Variants in FBXO36 observed in about 807,000 individuals in gnomAD.
FBXO36 encodes the protein F-box only protein 36.
In FBXO36, 18 loss-of-function variants were observed where a neutral mutation model predicts 17.0. The observed-to-expected ratio is 1.06, with a 90% CI of 0.73 to 1.57. The LOEUF (loss-of-function observed/expected upper bound fraction) is 1.57, where lower values mean the gene tolerates loss of function less well. Among genes scored for constraint, FBXO36 ranks in the 40% most tolerant of loss-of-function variants. The pLI, the probability that FBXO36 is intolerant of heterozygous loss-of-function variation, is 0.00. For missense variants in FBXO36, 229 were observed against 221.9 expected (o/e 1.03, Z -0.20); for synonymous variants, 83 against 85.3 (o/e 0.97, Z 0.15).
At chr2:229,987,080 C>A (rs1306641984) in intron 2 of FBXO36, among the ~76,000 whole-genome samples, 1 of 151,402 alleles carries the variant, frequency 6.6e-6, no homozygotes, top group Non-Finnish European at 1.5e-5. Context: ...ATTAGCCAGG[C>A]GTGTTGGCGC....
chr2:229,988,210 C>T (rs1047606583), intron 2 of FBXO36, among the ~76,000 whole-genome samples: 11 of 151,900 alleles, frequency 7.2e-5, no homozygotes, highest in Admixed American at 1.3e-4. Flanking sequence ...AAAATTATAA[C>T]GTATTTTTTT....
Position 229,966,206 on chromosome 2 carries a change from G to A in FBXO36, c.97-10035G>A, listed in dbSNP as rs181610891. 2.0e-3 allele frequency among the ~76,000 whole-genome samples: 304 copies of A among 152,202 alleles called. 1 individual carries two copies. The highest frequency in any genetic ancestry group is 5.8e-3 in the African/African-American group (242 of 41,534). ...TGAGAAGTGTCTGTTCATATCCTTCGCCCACTTGTTAATGGGGTTGTTTGT... is the reference window on the plus strand; with the variant it reads ...TGAGAAGTGTCTGTTCATATCCTTCACCCACTTGTTAATGGGGTTGTTTGT... On this transcript the variant is annotated intron_variant, in intron 1 of 3. Coordinates refer to ENST00000283946, the MANE Select transcript of FBXO36 (RefSeq NM_174899.5).
intron 1 of FBXO36, among the ~76,000 whole-genome samples, chr2:229,932,445 G>A (rs538003307): frequency 5.0e-4 from 76 of 152,002 alleles, no homozygotes; most frequent in African/African-American, 1.7e-3. Context: ...ACTTGAACCC[G>A]GGAGTTGGAG....
intron 1 of FBXO36, among the ~76,000 whole-genome samples, chr2:229,966,496 G>A (rs1408431491): frequency 1.3e-5 from 2 of 152,166 alleles, no homozygotes; most frequent in African/African-American, 2.4e-5. Context: ...TTTTCTTCTA[G>A]GGTTTTTATG....
chr2:229,996,690 T>C (rs1041124967), intron 2 of FBXO36, 61 bp from the exon 3 acceptor site: 17 of 1,497,380 alleles, frequency 1.1e-5, no homozygotes, highest in Non-Finnish European at 1.4e-5. Flanking sequence ...ATTTCACTGA[T>C]TGTTATTATA....
chr2:229,951,501 C>T (rs529341144), intron 1 of FBXO36, among the ~76,000 whole-genome samples: 2 of 152,266 alleles, frequency 1.3e-5, no homozygotes, highest in East Asian at 1.9e-4. Context: ...GCCTTGACCT[C>T]CCAAAGAGCT....
chr2:230,008,097 C>T (rs1021966522), intron 3 of FBXO36, among the ~76,000 whole-genome samples: 1 of 152,168 alleles, frequency 6.6e-6, no homozygotes, highest in African/African-American at 2.4e-5. Context: ...CTCTAGAAGG[C>T]TGGAAGCTTG....
chr2:229,966,706 T>C (rs2077154878), intron 1 of FBXO36, among the ~76,000 whole-genome samples: 1 of 152,192 alleles, frequency 6.6e-6, no homozygotes, highest in South Asian at 2.1e-4. Context: ...TGTGGTATTA[T>C]TTCTGAGGGC....
intron 1 of FBXO36, chr2:229,932,677 C>CA (rs561251923): frequency 4.3e-4 from 63 of 145,830 alleles, no homozygotes; most frequent in South Asian, 1.6e-3. Flanking sequence ...GGCTCCGTCT[C>CA]AAAAAAAAAA....
chr2:229,958,428 G>A (rs559622449), intron 1 of FBXO36, among the ~76,000 whole-genome samples: 6 of 151,938 alleles, frequency 3.9e-5, no homozygotes, highest in South Asian at 2.1e-4. Flanking sequence ...CCGCCACGGC[G>A]CCCGGCTAAT....
intron 1 of FBXO36, among the ~76,000 whole-genome samples, chr2:229,933,956 G>A (rs1048221781): frequency 2.6e-5 from 4 of 151,932 alleles, no homozygotes; most frequent in African/African-American, 9.7e-5. Flanking sequence ...AAAGTGCTGG[G>A]ATTACAGGCG....
intron 1 of FBXO36, among the ~76,000 whole-genome samples, chr2:229,943,812 T>TC (rs906837583): frequency 1.3e-5 from 2 of 152,172 alleles, no homozygotes; most frequent in African/African-American, 4.8e-5. Flanking sequence ...ATGAGATTCT[T>TC]CCCCCAAATA....
chr2:229,978,456 G>A (rs34257474), intron 2 of FBXO36, among the ~76,000 whole-genome samples: 40,509 of 151,350 alleles, frequency 0.27, 6,681 homozygotes, highest in Middle Eastern at 0.44. Context: ...TGATGGTGGT[G>A]GGTGCCCGTA....
At chr2:229,985,952 G>A (rs2077265697) in intron 2 of FBXO36, among the ~76,000 whole-genome samples, 1 of 152,152 alleles carries the variant, frequency 6.6e-6, no homozygotes, top group East Asian at 1.9e-4. Flanking sequence ...GGAGTCTGAG[G>A]TGGGAGGATG....
intron 2 of FBXO36, among the ~76,000 whole-genome samples, chr2:229,984,433 CG>C (rs1240237642): frequency 1.5e-4 from 21 of 136,070 alleles, no homozygotes; most frequent in African/African-American, 5.5e-4. Flanking sequence ...CTCTGTCGCC[CG>C]GGCTGGAGTG....
chr2:229,992,831 G>T (rs1322670997), intron 2 of FBXO36, among the ~76,000 whole-genome samples: 1 of 152,214 alleles, frequency 6.6e-6, no homozygotes, highest in Non-Finnish European at 1.5e-5. Flanking sequence ...TCTGAAGAAG[G>T]CTTGATTGGG....
intron 2 of FBXO36, among the ~76,000 whole-genome samples, chr2:229,993,139 C>A (rs2077306312): frequency 6.6e-6 from 1 of 152,084 alleles, no homozygotes; most frequent in Non-Finnish European, 1.5e-5. Context: ...ATATTTTACC[C>A]CAAAACATGT....
At chr2:229,930,784 G>A (rs914140807) in intron 1 of FBXO36, among the ~76,000 whole-genome samples, 1 of 152,124 alleles carries the variant, frequency 6.6e-6, no homozygotes, top group South Asian at 2.1e-4. Context: ...TTACCCCTTC[G>A]CCACTGCACC....
chr2:229,960,518 T>C (rs1261274499), intron 1 of FBXO36, among the ~76,000 whole-genome samples: 1 of 150,536 alleles, frequency 6.6e-6, no homozygotes, highest in Non-Finnish European at 1.5e-5. Flanking sequence ...TGGGATAGGG[T>C]GTCACTCTGT....
Sources: gnomAD v4.1 joint callset for allele counts (sites outside exome capture counted in the v4.1 genomes callset) on GRCh38, gnomAD v4.1.1 for gene constraint, MANE v1.5 for transcripts, NCBI Gene and HGNC (gene_info 2026-07-23, HGNC 2026-07-21) for gene names.